Variants in TUSC3 observed in about 807,000 individuals in gnomAD.
TUSC3 encodes dolichyl-diphosphooligosaccharide--protein glycosyltransferase subunit TUSC3.
Under a neutral mutation model 44.8 loss-of-function variants are expected in TUSC3, and 45 were observed. The observed-to-expected ratio is 1.00, with a 90% CI of 0.79 to 1.29. The LOEUF (loss-of-function observed/expected upper bound fraction) is 1.29. Ranked by LOEUF, TUSC3 falls within the 50% of genes most tolerant of loss-of-function variation. TUSC3 has a pLI of 0.00. For missense variants in TUSC3, 519 were observed against 437.9 expected (o/e 1.19, Z -1.65); for synonymous variants, 212 against 152.9 (o/e 1.39, Z -2.85).
chr8:15,666,456 T>C (rs1189003366), intron 5 of TUSC3, among the ~76,000 whole-genome samples: 1 of 151,436 alleles, frequency 6.6e-6, no homozygotes, highest in Non-Finnish European at 1.5e-5. Flanking sequence ...TAATTAAATT[T>C]TTTGAAAATC....
At chr8:15,848,377 G>A in the TUSC3 span, among the ~76,000 whole-genome samples, 26,833 of 152,120 alleles carry the variant, frequency 0.18, 2,705 homozygotes, top group East Asian at 0.33. Context: ...CTCTGTTCCA[G>A]CCCCTCACAT....
At chr8:15,578,492 A>G in intron 1 of TUSC3, among the ~76,000 whole-genome samples, 1 of 125,232 alleles carries the variant, frequency 8.0e-6, no homozygotes, top group South Asian at 2.9e-4. Context: ...ATGTCCCATC[A>G]ATACCTAATT....
At chr8:15,493,257 CT>C (rs1173426369) in intron 2 of TUSC3, among the ~76,000 whole-genome samples, 2 of 151,604 alleles carry the variant, frequency 1.3e-5, no homozygotes, top group Non-Finnish European at 1.5e-5. Flanking sequence ...CAGACATCAA[CT>C]TTTTTTTTCT....
intron 2 of TUSC3, among the ~76,000 whole-genome samples, chr8:15,510,952 A>G (rs1801126412): frequency 6.6e-6 from 1 of 152,208 alleles, no homozygotes; most frequent in African/African-American, 2.4e-5. Flanking sequence ...TTACCTTATT[A>G]GCAAACTAAA....
intron 1 of TUSC3, among the ~76,000 whole-genome samples, chr8:15,617,984 G>A (rs544114350): frequency 6.6e-6 from 1 of 152,248 alleles, no homozygotes; most frequent in South Asian, 2.1e-4. Context: ...ACTAAATATT[G>A]TAGGCAGTCG....
chr8:15,545,072 G>C (rs138513869), intron 1 of TUSC3, among the ~76,000 whole-genome samples: 1,523 of 151,766 alleles, frequency 0.01, 50 homozygotes, highest in Middle Eastern at 0.027. Context: ...TAAGATGTAG[G>C]TGTTATATTT....
At position 15,552,174 on chromosome 8, in the gene TUSC3, AT is replaced by A. The variant is rs536574934; in HGVS notation, c.138+11607del. ...ATTTTACGTAGAAATACTATTATTG[AT>A]GTAAGCAATACAAAATAAATATATT... is the stretch of plus-strand genomic sequence containing the variant. On this transcript the variant is annotated intron_variant, in intron 1 of 10. Transcript: ENST00000503731. Among the ~76,000 whole-genome samples the A allele has an allele frequency of 9.9e-5, 15 of 151,912 alleles. 2 individuals carry two copies. In the South Asian group the frequency reaches 3.1e-3, roughly 32 times the overall value.
the TUSC3 span, among the ~76,000 whole-genome samples, chr8:15,816,471 T>C: frequency 0.46 from 70,305 of 151,958 alleles, 18,711 homozygotes; most frequent in Non-Finnish European, 0.61. Context: ...AAAGATATTA[T>C]GGGACAAGAA....
chr8:15,794,818 G>T, the TUSC3 span, among the ~76,000 whole-genome samples: 1 of 152,086 alleles, frequency 6.6e-6, no homozygotes, highest in Non-Finnish European at 1.5e-5. Context: ...CAGCAAATAC[G>T]TCTCTCCTTT....
At chr8:15,827,585 G>C in the TUSC3 span, among the ~76,000 whole-genome samples, 2 of 152,180 alleles carry the variant, frequency 1.3e-5, no homozygotes, top group East Asian at 3.9e-4. Context: ...TAGATTTTAG[G>C]CTTGAAATTG....
upstream of TUSC3, among the ~76,000 whole-genome samples, chr8:15,536,171 G>T (rs1393163438): frequency 6.6e-6 from 1 of 152,130 alleles, no homozygotes; most frequent in Non-Finnish European, 1.5e-5. Context: ...GACAGAGTCT[G>T]CACGGCATAT....
chr8:15,637,522 A>G (rs1018657764), intron 2 of TUSC3, among the ~76,000 whole-genome samples: 1 of 151,966 alleles, frequency 6.6e-6, no homozygotes, highest in African/African-American at 2.4e-5. Flanking sequence ...AGGTTGGAGT[A>G]TTTTGTTTCA....
chr8:15,701,290 T>A (rs73665480), intron 6 of TUSC3, among the ~76,000 whole-genome samples: 1 of 152,198 alleles, frequency 6.6e-6, no homozygotes, highest in South Asian at 2.1e-4. Context: ...GCCACTGTTA[T>A]GATTTTTATC....
At chr8:15,563,075 T>C (rs1038454824) in intron 1 of TUSC3, among the ~76,000 whole-genome samples, 3 of 152,108 alleles carry the variant, frequency 2.0e-5, no homozygotes, top group Non-Finnish European at 2.9e-5. Context: ...CCTGCACTTT[T>C]AGATTTTATG....
At chr8:15,750,917 A>G (rs980841668) in intron 9 of TUSC3, among the ~76,000 whole-genome samples, 1 of 152,034 alleles carries the variant, frequency 6.6e-6, no homozygotes, top group Non-Finnish European at 1.5e-5. Flanking sequence ...GAAATTTGAC[A>G]TAGTTTAGAT....
chr8:15,515,816 C>T (rs369218287), intron 2 of TUSC3, among the ~76,000 whole-genome samples: 3 of 151,950 alleles, frequency 2.0e-5, no homozygotes, highest in African/African-American at 4.8e-5. Flanking sequence ...TACAGTCTCT[C>T]GCCACCACAC....
intron 1 of TUSC3, among the ~76,000 whole-genome samples, chr8:15,613,111 G>GT (rs1489304922): frequency 2.0e-5 from 3 of 149,408 alleles, no homozygotes; most frequent in Non-Finnish European, 4.4e-5. Flanking sequence ...GTGTTTGTGT[G>GT]TGTGTACACA....
At chr8:15,600,851 C>G (rs1041935039) in intron 1 of TUSC3, among the ~76,000 whole-genome samples, 1 of 151,642 alleles carries the variant, frequency 6.6e-6, no homozygotes, top group African/African-American at 2.4e-5. Flanking sequence ...GTTAAATGTG[C>G]TATCAGTGTA....
At position 15,623,078 on chromosome 8, in the gene TUSC3, A is replaced by G. The variant is rs778040138; in HGVS notation, c.139-2A>G. On this transcript the variant is annotated splice_acceptor_variant, in intron 1 of 10. Transcript: ENST00000503731. LOFTEE classifies it high-confidence loss of function. ...AATGTTAATTTCTGTGTTTAATTGC[A>G]GAATCTTTTAGCTGAAAAAGTAGAG... 1.9e-6 allele frequency: 3 copies of G among 1,613,654 alleles called. No homozygotes were observed. Among genetic ancestry groups the G allele is most frequent in the Non-Finnish European group, 2.5e-6 (3 of 1,179,762 alleles).
Sources: allele counts gnomAD v4.1 joint callset (sites outside exome capture counted in the v4.1 genomes callset), GRCh38; gene constraint gnomAD v4.1.1; transcripts MANE v1.5; gene names NCBI Gene and HGNC (gene_info 2026-07-23, HGNC 2026-07-21).